The following THADA variants were observed in gnomAD, a reference collection of about 807,000 sequenced individuals.
The protein encoded by THADA is tRNA (32-2'-O)-methyltransferase regulator THADA.
Under a neutral mutation model 219.8 loss-of-function variants are expected in THADA, and 213 were observed. That is an observed-to-expected ratio of 0.97 (90% CI 0.87 to 1.09). THADA has a LOEUF of 1.09. THADA is among the 50% of genes least tolerant of loss of function. THADA has a pLI of 0.00. For synonymous variants in THADA, 1,018 were observed against 828.9 expected (o/e 1.23, Z -3.92); for missense variants, 2,956 against 2,311.3 (o/e 1.28, Z -5.72).
chr2:43,506,539 G>C (rs1315033254), intron 23 of THADA, among the ~76,000 whole-genome samples: 1 of 152,182 alleles, frequency 6.6e-6, no homozygotes, highest in African/African-American at 2.4e-5. Flanking sequence ...GTATAGATCT[G>C]GAAGGTAGAT....
intron 29 of THADA, among the ~76,000 whole-genome samples, chr2:43,361,255 T>C (rs1468555769): frequency 6.6e-6 from 1 of 152,214 alleles, no homozygotes; most frequent in African/African-American, 2.4e-5. Context: ...ATTTAATCTC[T>C]TTGAGTCCTA....
rs764135639 is a variant in THADA, at chr2:43,556,345, C to G, written c.2674G>C (p.Val892Leu). ...AAVVERNTLM[V>L]IKCLMENLEE... ...GATAAGAGCAAACATCAATACAAAC[C>G]CATTAATGTGTTCCTTTCCACCACA... Residue 892 changes from valine to leucine, a missense_variant and splice_region_variant, in exon 17 of 38, where the codon GTT becomes CTT. Physicochemically the swap from Val to Leu is conservative, Grantham distance 32 (BLOSUM62 1). Coordinates refer to ENST00000405975, the MANE Select transcript of THADA (RefSeq NM_022065.5). 2.5e-6 allele frequency: 4 copies of G among 1,613,328 alleles called. No homozygotes were observed. The highest frequency in any genetic ancestry group is 3.4e-6 in the Non-Finnish European group (4 of 1,179,714).
chr2:43,293,260 T>G, intron 31 of THADA, 47 bp from the exon 32 acceptor site: 1 of 1,552,240 alleles, frequency 6.4e-7, no homozygotes, highest in South Asian at 1.2e-5. Flanking sequence ...CACTTTAAAT[T>G]TCCACAAAAG....
At chr2:43,360,740 A>G (rs935928121) in intron 29 of THADA, among the ~76,000 whole-genome samples, 41 of 152,132 alleles carry the variant, frequency 2.7e-4, no homozygotes, top group African/African-American at 9.7e-4. Context: ...CTTTCACTAT[A>G]TTGCTGGAAG....
chr2:43,323,378 C>G (rs1287914947), intron 30 of THADA, among the ~76,000 whole-genome samples: 1 of 152,154 alleles, frequency 6.6e-6, no homozygotes, highest in Non-Finnish European at 1.5e-5. Context: ...CTTTTTAACC[C>G]TGCCCCTATC....
intron 8 of THADA, 140 bp downstream of exon 8, chr2:43,581,601 C>G: frequency 1.4e-6 from 1 of 700,876 alleles, no homozygotes; most frequent in South Asian, 2.1e-5. Context: ...GGGCCTCCCT[C>G]CATTTTTGAG....
chr2:43,423,654 G>A (rs568683695), intron 28 of THADA, among the ~76,000 whole-genome samples: 13 of 152,016 alleles, frequency 8.6e-5, no homozygotes, highest in Admixed American at 2.0e-4. Context: ...GGATGGTCTC[G>A]ATCTCCTGAC....
chr2:43,301,548 G>A (rs1676266533), intron 31 of THADA, among the ~76,000 whole-genome samples: 1 of 152,184 alleles, frequency 6.6e-6, no homozygotes, highest in Admixed American at 6.5e-5. Flanking sequence ...AGAGTGAGAG[G>A]GTCTCTAGGT....
At chr2:43,254,009 G>A (rs1670065301) in intron 36 of THADA, among the ~76,000 whole-genome samples, 2 of 152,000 alleles carry the variant, frequency 1.3e-5, no homozygotes, top group Admixed American at 1.3e-4. Context: ...TAGTCCATGT[G>A]GTTTGGGTGG....
chr2:43,575,550 T>C (rs1007025760), intron 10 of THADA, among the ~76,000 whole-genome samples: 1 of 152,200 alleles, frequency 6.6e-6, no homozygotes. Context: ...TATTTATTTA[T>C]TTATTTGAGA....
At chr2:43,593,498 AC>A (rs1188120876) in intron 1 of THADA, among the ~76,000 whole-genome samples, 4 of 152,148 alleles carry the variant, frequency 2.6e-5, no homozygotes, top group African/African-American at 9.7e-5. Context: ...CCTAGAGAGC[AC>A]CTCCTTCAGA....
rs559855269 is a variant in THADA at position 43,413,753 on chromosome 2, A to G, written c.4058+14347T>C. Among the ~76,000 whole-genome samples the G allele has an allele frequency of 5.4e-4, 83 of 152,302 alleles. 2 individuals carry two copies. In the South Asian group the frequency reaches 0.017, roughly 31 times the overall value. ...ATGATGGTGACAAAATGGTCTCTTCATCTTCTTCTGTTCATTAAGGTATTC... is the reference window on the plus strand; with the variant it reads ...ATGATGGTGACAAAATGGTCTCTTCGTCTTCTTCTGTTCATTAAGGTATTC... On this transcript the variant is annotated intron_variant, in intron 28 of 37. Transcript: ENST00000405975.
chr2:43,594,400 T>C (rs1250004924), intron 1 of THADA, among the ~76,000 whole-genome samples: 2 of 151,918 alleles, frequency 1.3e-5, no homozygotes, highest in African/African-American at 4.8e-5. Context: ...GCCAACATGG[T>C]GAAACCCCGT....
chr2:43,515,172 T>TATATATTATATATTATATATA (rs1691374364), intron 22 of THADA, among the ~76,000 whole-genome samples: 1 of 3,898 alleles, frequency 2.6e-4, no homozygotes, highest in Non-Finnish European at 4.0e-4. Flanking sequence ...TATAATATAT[T>TATATATTATATATTATATATA]ATATATTATA....
intron 20 of THADA, among the ~76,000 whole-genome samples, chr2:43,545,706 G>C (rs1241073032): frequency 2.0e-5 from 3 of 151,710 alleles, no homozygotes; most frequent in Non-Finnish European, 4.4e-5. Context: ...ATTTCTGTGG[G>C]ATCGGTGGTG....
chr2:43,351,208 A>T (rs536900261), intron 29 of THADA, among the ~76,000 whole-genome samples: 61 of 152,320 alleles, frequency 4.0e-4, no homozygotes, highest in African/African-American at 1.3e-3. Context: ...CATCACTCTC[A>T]AGTTCAAAAT....
At chr2:43,547,593 C>A (rs190874023) in intron 20 of THADA, among the ~76,000 whole-genome samples, 1,715 of 152,226 alleles carry the variant, frequency 0.011, 30 homozygotes, top group Non-Finnish European at 0.013. Context: ...CTAAACCTCC[C>A]TTCTCGCTTC....
chr2:43,468,022 T>G (rs1171706077), intron 26 of THADA, among the ~76,000 whole-genome samples: 1 of 152,228 alleles, frequency 6.6e-6, no homozygotes, highest in Non-Finnish European at 1.5e-5. Flanking sequence ...AAAGCTTAAT[T>G]GCAAGGCTTG....
At chr2:43,311,187 AAG>A in intron 31 of THADA, among the ~76,000 whole-genome samples, 1 of 152,296 alleles carries the variant, frequency 6.6e-6, no homozygotes, top group African/African-American at 2.4e-5. Flanking sequence ...AAAAAAAAAA[AAG>A]AGACAACTCA....
Sources: allele counts gnomAD v4.1 joint callset (sites outside exome capture counted in the v4.1 genomes callset), GRCh38; gene constraint gnomAD v4.1.1; transcripts MANE v1.5; gene names NCBI Gene and HGNC (gene_info 2026-07-23, HGNC 2026-07-21).